GSDMD: variants seen among roughly 807,000 people sequenced by gnomAD.
GSDMD encodes gasdermin D, also known as gasdermin-D.
A neutral mutation model predicts 46.7 loss-of-function variants in GSDMD; 46 were observed. The observed-to-expected ratio is 0.99, with a 90% confidence interval of 0.78 to 1.26. The LOEUF (loss-of-function observed/expected upper bound fraction) is 1.26, where lower values mean the gene tolerates loss of function less well. Ranked by LOEUF, GSDMD falls within the 50% of genes most tolerant of loss-of-function variation. The pLI is 0.00. For missense variants in GSDMD, 649 were observed against 638.8 expected (o/e 1.02, Z -0.17); for synonymous variants, 307 against 283.1 (o/e 1.08, Z -0.85).
chr8:143,561,300 T>TAGGGG (rs1166880038), intron 5 of GSDMD, 70 bp from the exon 6 acceptor site: 1 of 1,446,438 alleles, frequency 6.9e-7, no homozygotes, highest in Admixed American at 2.0e-5. Flanking sequence ...GAGCTCCTAG[T>TAGGGG]AGGGGAGGGG....
In GSDMD at chr8:143,562,849, G is replaced by A. The variant is rs759686259; in HGVS notation, c.1400G>A (p.Cys467Tyr). 6.8e-6 allele frequency: 11 copies of A among 1,612,300 alleles called. No individual in the cohort carries two copies. Among genetic ancestry groups the A allele is most frequent in the South Asian group, 5.5e-5 (5 of 90,988 alleles). ...GAGCCGCAGGCCCAGGGCCGCATGTGTGCACTCTACGCCTCCCTGGCACTG... is the reference window on the plus strand; with the variant it reads ...GAGCCGCAGGCCCAGGGCCGCATGTATGCACTCTACGCCTCCCTGGCACTG... ...CWEPQAQGRM[C>Y]ALYASLALLS... Residue 467 changes from cysteine (C) to tyrosine (Y), a missense_variant, in exon 11 of 11, where the codon TGT becomes TAT. Transcript: ENST00000262580.
chr8:143,558,516 T>TC, intron 1 of GSDMD, 65 bp downstream of exon 1: 1 of 1,358,068 alleles, frequency 7.4e-7, no homozygotes, highest in South Asian at 1.6e-5. Context: ...GGCCGCTGGC[T>TC]CCCGGGTGGG....
In GSDMD at chr8:143,559,979, A is replaced by T. The variant is rs1186520585; in HGVS notation, c.410+10A>T. The T allele has an allele frequency of 6.9e-7, 1 of 1,457,576 alleles. No homozygotes were observed. Among genetic ancestry groups the T allele is most frequent in the Admixed American group, 2.1e-5 (1 of 48,640 alleles). The allele number at this position is 1,457,576 out of a possible 1,614,324, so 90.3% of individuals were successfully genotyped here. On this transcript the variant is annotated intron_variant, in intron 3 of 10. Coordinates refer to ENST00000262580, the MANE Select transcript of GSDMD (RefSeq NM_024736.7). ...CTCTGCTCCATGAGAGGTGGGCCCG[A>T]AGAGGGCAGGGCAGGGCAGGGCCCC...
chr8:143,562,523 T>G lies in GSDMD; in HGVS notation c.1212+2T>G. 1 of 1,605,730 alleles carries G rather than the reference T, an allele frequency of 6.2e-7. No homozygotes were observed. Among genetic ancestry groups the G allele is most frequent in the Non-Finnish European group, 8.5e-7 (1 of 1,179,162 alleles). Reference sequence around the variant, plus strand: ...ACCCTGTTGGGGCCGCTCGAGCTGGTGAGAGGGTTGGGTTCGGGCTGCAGG... The same window carrying G: ...ACCCTGTTGGGGCCGCTCGAGCTGGGGAGAGGGTTGGGTTCGGGCTGCAGG... On this transcript the variant is annotated splice_donor_variant, in intron 10 of 10. Transcript: ENST00000262580. LOFTEE classifies it high-confidence loss of function.
intron 4 of GSDMD, 73 bp downstream of exon 4, chr8:143,560,844 C>T (rs760021991): frequency 6.9e-7 from 1 of 1,442,058 alleles, no homozygotes; most frequent in South Asian, 1.4e-5. Context: ...AGGCGGCGGG[C>T]TGGGCTCCGC....
intron 3 of GSDMD, chr8:143,560,259 C>A (rs1283344958): frequency 1.5e-6 from 1 of 686,448 alleles, no homozygotes; most frequent in Admixed American, 2.0e-5. Flanking sequence ...AACCAGCTTG[C>A]AGGAAGGAAG....
chr8:143,557,604 G>A (rs988667435), upstream of GSDMD, among the ~76,000 whole-genome samples: 3 of 152,212 alleles, frequency 2.0e-5, no homozygotes, highest in Non-Finnish European at 2.9e-5. Context: ...TGGGTCACAC[G>A]GTAACTCTTG....
At position 143,562,010 on chromosome 8, in the gene GSDMD, C is replaced by T. The variant is rs2130572680; in HGVS notation, c.875C>T (p.Ala292Val). Residue 292 changes from alanine (A) to valine (V), a missense_variant, in exon 8 of 11, where the codon GCA becomes GTA. Coordinates refer to ENST00000262580, the MANE Select transcript of GSDMD (RefSeq NM_024736.7). Reference sequence around the variant, plus strand: ...ACTGAAGACTTCCAGGGCCTACGGGCAGAGGTGGAGACCATCTCCAAGGAA... The same window carrying T: ...ACTGAAGACTTCCAGGGCCTACGGGTAGAGGTGGAGACCATCTCCAAGGAA... ...AFTEDFQGLR[A>V]EVETISKELE... is the part of the protein sequence containing the mutation. The T allele has an allele frequency of 4.4e-6, 7 of 1,604,900 alleles. No homozygotes were observed. Among genetic ancestry groups the T allele is most frequent in the Non-Finnish European group, 5.1e-6 (6 of 1,178,576 alleles).
At position 143,560,048 on chromosome 8, in the gene GSDMD, A is replaced by G. The variant is rs545748691; in HGVS notation, c.410+79A>G. 2.0e-5 allele frequency: 27 copies of G among 1,340,746 alleles called. 1 individual carries two copies. In the African/African-American group the frequency reaches 3.6e-4, roughly 18 times the overall value. 83.1% of individuals were successfully genotyped at this position (1,340,746 alleles called of 1,614,324 possible). A position where few individuals can be genotyped will look rare whatever the true frequency, so the allele number is the denominator to read the frequency against. On this transcript the variant is annotated intron_variant, in intron 3 of 10. Coordinates refer to ENST00000262580, the MANE Select transcript of GSDMD (RefSeq NM_024736.7). ...TGCTTTTATTTATTTATTTATTTAAATTATTTTTTGAGGTGAGGTTTTGCT... is the reference window on the plus strand; with the variant it reads ...TGCTTTTATTTATTTATTTATTTAAGTTATTTTTTGAGGTGAGGTTTTGCT...
At position 143,559,843 on chromosome 8, in the gene GSDMD, A is replaced by T; in HGVS notation, c.284A>T (p.Glu95Val). The T allele has an allele frequency of 6.2e-7, 1 of 1,612,588 alleles. No homozygotes were observed. Among genetic ancestry groups the T allele is most frequent in the Non-Finnish European group, 8.5e-7 (1 of 1,179,890 alleles). The change falls in exon 3 of 11, where the codon GAG (glutamate) becomes GTG (valine). Residue 95 changes from glutamate (E) to valine (V), a missense_variant. Physicochemically the swap from Glu to Val is moderately radical, Grantham distance 121 (BLOSUM62 -2). Coordinates refer to ENST00000262580, the MANE Select transcript of GSDMD (RefSeq NM_024736.7). Reference sequence around the variant, plus strand: ...GATGGGCAGATACAGGGCAGCGTGGAGCTGGCAGCCCCAGGACAGGCAAAG... The same window carrying T: ...GATGGGCAGATACAGGGCAGCGTGGTGCTGGCAGCCCCAGGACAGGCAAAG... ...AMDGQIQGSV[E>V]LAAPGQAKIA...
Position 143,562,759 on chromosome 8 carries a change from C to T in GSDMD, c.1310C>T (p.Pro437Leu), listed in dbSNP as rs374790200. Residue 437 changes from proline to leucine, a missense_variant, in exon 11 of 11, where the codon CCG (proline) becomes CTG (leucine). Pro to Leu is a moderately conservative substitution (Grantham distance 98). Transcript: ENST00000262580. The stretch of plus-strand genomic sequence containing the variant: ...GGGAACAGCTGGGGCGAAGGAGCAC[C>T]GGCCTGGGTCTTGCTGGACGAGTGT... ...LLGNSWGEGA[P>L]AWVLLDECGL... is the part of the protein sequence containing the mutation. The T allele has an allele frequency of 3.3e-5, 53 of 1,587,222 alleles. No homozygotes were observed. Among genetic ancestry groups the T allele is most frequent in the Non-Finnish European group, 4.2e-5 (49 of 1,167,064 alleles).
In GSDMD at chr8:143,561,548, AC is replaced by A. The variant is rs569595625; in HGVS notation, c.736+131del. 1,004 of 1,006,658 alleles carry A rather than the reference AC, an allele frequency of 1.0e-3. 1 individual carries two copies. The highest frequency in any genetic ancestry group is 1.4e-3 in the Non-Finnish European group (955 of 679,982). 62.4% of individuals were successfully genotyped at this position (1,006,658 alleles called of 1,614,324 possible). ...CGGGCAGCCCCCTGAGGCGGTGGGC[AC>A]CCCCCATACACACACAAGGGGCAAC... On this transcript the variant is annotated intron_variant, in intron 6 of 10. Transcript: ENST00000262580.
rs766332977 is a variant in GSDMD at position 143,558,347 on chromosome 8, C to G, written c.-109C>G. On this transcript the variant is annotated 5_prime_UTR_variant, in exon 1 of 11. Coordinates refer to ENST00000262580, the MANE Select transcript of GSDMD (RefSeq NM_024736.7). ...CCTGGGCGGGCCCTGCGTCAGGTTGCAGTTTCACTTTTAGCTCTGGGCACC... is the reference window on the plus strand; with the variant it reads ...CCTGGGCGGGCCCTGCGTCAGGTTGGAGTTTCACTTTTAGCTCTGGGCACC... 1 of 1,524,662 alleles carries G rather than the reference C, an allele frequency of 6.6e-7. No homozygotes were observed. The allele number at this position is 1,524,662 out of a possible 1,614,324, so 94.4% of individuals were successfully genotyped here.
chr8:143,558,290 G>C, upstream of GSDMD: 1 of 1,488,112 alleles, frequency 6.7e-7, no homozygotes, highest in Non-Finnish European at 8.9e-7. Context: ...GGGGGCCGGG[G>C]CGGGCTCTCC....
At chr8:143,559,997 A>C (rs1823411831) in intron 3 of GSDMD, 28 bp downstream of exon 3, 4 of 1,593,562 alleles carry the variant, frequency 2.5e-6, no homozygotes, top group Non-Finnish European at 3.4e-6. Context: ...AGGGCAGGGC[A>C]GGGCCCCACC....
rs748460491 is a variant in GSDMD, at chr8:143,562,830, C to A, written c.1381C>A (p.Gln461Lys). The change falls in exon 11 of 11, where the codon CAG (glutamine) becomes AAG (lysine). Residue 461 changes from glutamine (Q) to lysine (K), a missense_variant. Coordinates refer to ENST00000262580, the MANE Select transcript of GSDMD (RefSeq NM_024736.7). ...EDTPHVCWEP[Q>K]AQGRMCALYA... ...CACTCCCCACGTGTGCTGGGAGCCGCAGGCCCAGGGCCGCATGTGTGCACT... is the reference window on the plus strand; with the variant it reads ...CACTCCCCACGTGTGCTGGGAGCCGAAGGCCCAGGGCCGCATGTGTGCACT... The A allele has an allele frequency of 6.2e-7, 1 of 1,610,624 alleles. No individual in the cohort carries two copies. Among genetic ancestry groups the A allele is most frequent in the East Asian group, 2.2e-5 (1 of 44,770 alleles).
intron 1 of GSDMD, 180 bp downstream of exon 1, chr8:143,558,631 G>GC: frequency 1.6e-6 from 1 of 641,854 alleles, no homozygotes; most frequent in African/African-American, 1.9e-5. Context: ...CAGCCCAGGG[G>GC]CCCGGCCTTT....
Position 143,558,463 on chromosome 8 carries a change from C to T in GSDMD, c.-5+12C>T. Reference sequence around the variant, plus strand: ...CGCCGACGGTCACGGTGAGCTGCGCCCCGCCCCCTCCCCCGGCCTGGCTGG... The same window carrying T: ...CGCCGACGGTCACGGTGAGCTGCGCTCCGCCCCCTCCCCCGGCCTGGCTGG... On this transcript the variant is annotated intron_variant, in intron 1 of 10. Coordinates refer to ENST00000262580, the MANE Select transcript of GSDMD (RefSeq NM_024736.7). The T allele has an allele frequency of 6.8e-7, 1 of 1,475,328 alleles. No homozygotes were observed. The highest frequency in any genetic ancestry group is 8.9e-7 in the Non-Finnish European group (1 of 1,118,770). The allele number at this position is 1,475,328 out of a possible 1,614,324, so 91.4% of individuals were successfully genotyped here.
chr8:143,558,472 T>A, intron 1 of GSDMD, 21 bp downstream of exon 1: 2 of 1,460,078 alleles, frequency 1.4e-6, no homozygotes, highest in South Asian at 2.6e-5. Flanking sequence ...CCCCGCCCCC[T>A]CCCCCGGCCT....
Sources: gnomAD v4.1 joint callset for allele counts (sites outside exome capture counted in the v4.1 genomes callset) on GRCh38, gnomAD v4.1.1 for gene constraint, MANE v1.5 for transcripts, NCBI Gene and HGNC (gene_info 2026-07-23, HGNC 2026-07-21) for gene names.